Variants in SH3RF3 observed in about 807,000 individuals in gnomAD.
The protein encoded by SH3RF3 is E3 ubiquitin-protein ligase SH3RF3.
In SH3RF3, 29 loss-of-function variants were observed where a neutral mutation model predicts 66.3. The observed-to-expected ratio is 0.44, with a 90% CI of 0.33 to 0.60. The LOEUF (loss-of-function observed/expected upper bound fraction) is 0.60, where lower values mean the gene tolerates loss of function less well. SH3RF3 is among the 20% of genes least tolerant of loss of function. SH3RF3 has a pLI of 0.04. For missense variants in SH3RF3, 1,194 were observed against 1,190.9 expected (o/e 1.00, Z -0.04); for synonymous variants, 583 against 532.0 (o/e 1.10, Z -1.32).
At chr2:109,357,329 C>T (rs920382723) in intron 2 of SH3RF3, among the ~76,000 whole-genome samples, 4 of 152,020 alleles carry the variant, frequency 2.6e-5, no homozygotes, top group African/African-American at 9.7e-5. Flanking sequence ...CTACAGGCAC[C>T]CACCACCATG....
At chr2:109,303,504 G>C (rs1681520809) in intron 1 of SH3RF3, among the ~76,000 whole-genome samples, 1 of 152,264 alleles carries the variant, frequency 6.6e-6, no homozygotes, top group South Asian at 2.1e-4. Flanking sequence ...TTCAGGCCTA[G>C]GTAGCCAGTA....
chr2:109,410,284 A>G (rs566764477), intron 4 of SH3RF3, among the ~76,000 whole-genome samples: 16 of 152,342 alleles, frequency 1.1e-4, no homozygotes, highest in Non-Finnish European at 2.1e-4. Context: ...ACTGACTAGC[A>G]GCTCCAGCGC....
chr2:109,286,602 T>G (rs1681035163), intron 1 of SH3RF3, among the ~76,000 whole-genome samples: 1 of 152,188 alleles, frequency 6.6e-6, no homozygotes, highest in African/African-American at 2.4e-5. Context: ...GATTGGCACA[T>G]GGTGAGGGGA....
chr2:109,449,627 C>T (rs1430378261), intron 8 of SH3RF3, 138 bp downstream of exon 8: 12 of 1,169,964 alleles, frequency 1.0e-5, no homozygotes, highest in East Asian at 5.4e-5. Flanking sequence ...ATGAACCAGG[C>T]GTGTGACAGA....
chr2:109,503,238 T>G lies in SH3RF3; in HGVS notation c.*1567T>G, dbSNP rs907479197. 2 of 152,228 alleles carry G rather than the reference T, an allele frequency of 1.3e-5. No individual in the cohort carries two copies. The highest frequency in any genetic ancestry group is 2.9e-5 in the Non-Finnish European group (2 of 68,032). The allele number at this position is 152,228 out of a possible 1,614,324, so 9.4% of individuals were successfully genotyped here. On this transcript the variant is annotated 3_prime_UTR_variant, in exon 10 of 10. Coordinates refer to ENST00000309415, the MANE Select transcript of SH3RF3 (RefSeq NM_001099289.3). ...ATATTTTTACAAATACCATTCAGAC[T>G]TAAATTAAGCTGAAGAAACTAGCCT...
intron 5 of SH3RF3, among the ~76,000 whole-genome samples, chr2:109,429,298 C>G (rs139245314): frequency 2.6e-5 from 4 of 152,112 alleles, no homozygotes; most frequent in Non-Finnish European, 5.9e-5. Context: ...TTGGTGTCCC[C>G]TACGAGGCAC....
chr2:109,418,074 G>A (rs754615773), intron 4 of SH3RF3, among the ~76,000 whole-genome samples: 1 of 152,012 alleles, frequency 6.6e-6, no homozygotes. Flanking sequence ...GGGGACACAG[G>A]CACCTTCCCC....
chr2:109,231,310 C>T (rs986337217), intron 1 of SH3RF3, among the ~76,000 whole-genome samples: 3 of 152,180 alleles, frequency 2.0e-5, no homozygotes, highest in African/African-American at 7.2e-5. Context: ...TGAGCTAATG[C>T]GATGACATTT....
intron 1 of SH3RF3, among the ~76,000 whole-genome samples, chr2:109,315,250 G>A (rs1681848313): frequency 6.6e-6 from 1 of 152,212 alleles, no homozygotes; most frequent in South Asian, 2.1e-4. Context: ...TCCATAGTAA[G>A]GCAGAAAGAC....
intron 1 of SH3RF3, among the ~76,000 whole-genome samples, chr2:109,298,305 G>GA (rs1681372112): frequency 7.5e-6 from 1 of 133,132 alleles, no homozygotes; most frequent in African/African-American, 2.6e-5. Context: ...AGACAGGCGG[G>GA]AAGGGAAGCG....
At chr2:109,476,426 A>AG (rs1277574930) in intron 8 of SH3RF3, among the ~76,000 whole-genome samples, 1 of 152,208 alleles carries the variant, frequency 6.6e-6, no homozygotes, top group African/African-American at 2.4e-5. Flanking sequence ...GGGTAGCCCC[A>AG]GGGGAGGTAG....
At chr2:109,382,466 C>T (rs1345784203) in intron 3 of SH3RF3, among the ~76,000 whole-genome samples, 1 of 152,158 alleles carries the variant, frequency 6.6e-6, no homozygotes, top group East Asian at 1.9e-4. Flanking sequence ...ACGTGGTTGG[C>T]CTTTCCTCAG....
intron 1 of SH3RF3, among the ~76,000 whole-genome samples, chr2:109,203,891 C>G (rs1011257279): frequency 6.6e-6 from 1 of 152,222 alleles, no homozygotes; most frequent in Admixed American, 6.5e-5. Context: ...TGCGGCCTGG[C>G]AGCCCTTGAT....
chr2:109,401,750 T>G (rs1363721879), intron 4 of SH3RF3, among the ~76,000 whole-genome samples: 1 of 152,184 alleles, frequency 6.6e-6, no homozygotes, highest in African/African-American at 2.4e-5. Context: ...CATCCTCACC[T>G]GCACCAGCCT....
At chr2:109,143,557 A>T (rs1677016036) in intron 1 of SH3RF3, among the ~76,000 whole-genome samples, 1 of 152,156 alleles carries the variant, frequency 6.6e-6, no homozygotes, top group Admixed American at 6.5e-5. Context: ...AGCCTGGGCA[A>T]CATAGCAAGT....
intron 1 of SH3RF3, among the ~76,000 whole-genome samples, chr2:109,215,168 G>A (rs1411539191): frequency 1.3e-5 from 2 of 152,174 alleles, no homozygotes; most frequent in Non-Finnish European, 2.9e-5. Context: ...CTCTCTCTGA[G>A]CATTGCTCAA....
At chr2:109,369,466 T>C (rs1317196562) in intron 2 of SH3RF3, among the ~76,000 whole-genome samples, 3 of 152,382 alleles carry the variant, frequency 2.0e-5, no homozygotes, top group East Asian at 3.9e-4. Context: ...TGAAGTGATA[T>C]GATGCTCTTA....
chr2:109,162,009 C>T (rs1252415002), intron 1 of SH3RF3, among the ~76,000 whole-genome samples: 1 of 152,104 alleles, frequency 6.6e-6, no homozygotes, highest in Admixed American at 6.5e-5. Flanking sequence ...GAAAGTACTT[C>T]CCCTCCTCCA....
intron 5 of SH3RF3, among the ~76,000 whole-genome samples, chr2:109,422,306 C>T (rs1676903576): frequency 6.6e-6 from 1 of 152,234 alleles, no homozygotes; most frequent in African/African-American, 2.4e-5. Flanking sequence ...GGAATGACTT[C>T]AGGAGACCTC....
Sources: allele counts gnomAD v4.1 joint callset (sites outside exome capture counted in the v4.1 genomes callset), GRCh38; gene constraint gnomAD v4.1.1; transcripts MANE v1.5; gene names NCBI Gene and HGNC (gene_info 2026-07-23, HGNC 2026-07-21).